Variants in WIPF3 observed in about 807,000 individuals in gnomAD.
The protein encoded by WIPF3 is WAS/WASL-interacting protein family member 3.
In WIPF3, 33 loss-of-function variants were observed where a neutral mutation model predicts 38.9. The observed-to-expected ratio is 0.85, with a 90% CI of 0.64 to 1.14. The LOEUF is 1.14. Among genes scored for constraint, WIPF3 ranks in the 50% most tolerant of loss-of-function variants. The pLI is 0.00. For synonymous variants in WIPF3, 324 were observed against 269.3 expected (o/e 1.20, Z -1.99); for missense variants, 711 against 652.5 (o/e 1.09, Z -0.98).
At chr7:29,874,309 T>C (rs1785548345) in intron 2 of WIPF3, among the ~76,000 whole-genome samples, 1 of 152,156 alleles carries the variant, frequency 6.6e-6, no homozygotes, top group Non-Finnish European at 1.5e-5. Flanking sequence ...GATATTTTTG[T>C]GAACAAAACA....
chr7:29,846,185 C>A lies in WIPF3; in HGVS notation c.90+11371C>A, dbSNP rs145317624. Among the ~76,000 whole-genome samples, 737 of 152,262 alleles carry A rather than the reference C, an allele frequency of 4.8e-3. 4 individuals are homozygous for A. Among genetic ancestry groups the A allele is most frequent in the African/African-American group, 0.017 (704 of 41,544 alleles). On this transcript the variant is annotated intron_variant, in intron 2 of 8. Transcript: ENST00000242140. ...AGCCATAAAGTATCTTTTGGCACAG[C>A]CTTTCTCATTCCAACTCATTATTTT...
At chr7:29,867,220 A>G (rs1346388121) in intron 2 of WIPF3, among the ~76,000 whole-genome samples, 2 of 152,152 alleles carry the variant, frequency 1.3e-5, no homozygotes, top group Non-Finnish European at 2.9e-5. Flanking sequence ...CTCTAAGTAG[A>G]GAGAAGGAGC....
intron 1 of WIPF3, among the ~76,000 whole-genome samples, chr7:29,833,369 G>C (rs1011220991): frequency 4.6e-5 from 7 of 152,140 alleles, no homozygotes; most frequent in Non-Finnish European, 1.0e-4. Context: ...CCAATCCCAG[G>C]TCTGCTGGTT....
intron 5 of WIPF3, among the ~76,000 whole-genome samples, chr7:29,885,802 C>T (rs1175237453): frequency 6.6e-6 from 1 of 152,118 alleles, no homozygotes; most frequent in Non-Finnish European, 1.5e-5. Flanking sequence ...GATGACAGAG[C>T]CAGATGCTGC....
chr7:29,818,154 A>C (rs1237801397), intron 1 of WIPF3, among the ~76,000 whole-genome samples: 1 of 152,148 alleles, frequency 6.6e-6, no homozygotes, highest in Non-Finnish European at 1.5e-5. Context: ...TATCTTATTA[A>C]TTAAAATAAT....
intron 2 of WIPF3, among the ~76,000 whole-genome samples, chr7:29,836,887 G>A (rs1188394595): frequency 6.6e-6 from 1 of 152,174 alleles, no homozygotes; most frequent in East Asian, 1.9e-4. Context: ...CTACTCAGGA[G>A]GCTGTGGCAG....
intron 5 of WIPF3, among the ~76,000 whole-genome samples, 171 bp downstream of exon 5, chr7:29,884,764 A>C (rs1785837812): frequency 6.6e-6 from 1 of 152,178 alleles, no homozygotes; most frequent in Non-Finnish European, 1.5e-5. Context: ...CCCGGCCTTG[A>C]TCCCCTGCCC....
At chr7:29,825,307 G>A (rs1214596664) in intron 1 of WIPF3, among the ~76,000 whole-genome samples, 2 of 152,024 alleles carry the variant, frequency 1.3e-5, no homozygotes, top group East Asian at 3.9e-4. Flanking sequence ...TAACAAACCT[G>A]CACACCCTGC....
chr7:29,859,915 T>C (rs1785246649), intron 2 of WIPF3, among the ~76,000 whole-genome samples: 1 of 152,090 alleles, frequency 6.6e-6, no homozygotes, highest in South Asian at 2.1e-4. Flanking sequence ...ATAAACAGAA[T>C]TGGAGAAGGC....
chr7:29,913,345 CAAA>C (rs1161222562), intron 8 of WIPF3, among the ~76,000 whole-genome samples: 22 of 74,602 alleles, frequency 2.9e-4, no homozygotes, highest in African/African-American at 7.4e-4. Flanking sequence ...AACTCCGTCT[CAAA>C]AAAAAAAAAA....
chr7:29,815,297 C>G (rs1302696472), intron 1 of WIPF3, among the ~76,000 whole-genome samples: 2 of 152,178 alleles, frequency 1.3e-5, no homozygotes, highest in African/African-American at 4.8e-5. Flanking sequence ...TTCAAATTCC[C>G]TTTCCCCACA....
intron 2 of WIPF3, among the ~76,000 whole-genome samples, chr7:29,861,411 A>G (rs1562779983): frequency 6.6e-6 from 1 of 152,218 alleles, no homozygotes; most frequent in East Asian, 1.9e-4. Flanking sequence ...GTAACTTTAC[A>G]AGAGAGATTT....
chr7:29,862,530 G>A (rs769212114), intron 2 of WIPF3, among the ~76,000 whole-genome samples: 11 of 152,172 alleles, frequency 7.2e-5, no homozygotes, highest in Non-Finnish European at 1.6e-4. Flanking sequence ...GGCCCAGTGG[G>A]CATATCAAAT....
intron 1 of WIPF3, among the ~76,000 whole-genome samples, chr7:29,824,677 A>G (rs1426093262): frequency 1.3e-5 from 2 of 152,174 alleles, no homozygotes; most frequent in African/African-American, 4.8e-5. Context: ...AGTAGCCCAG[A>G]GAGGAGTACA....
At position 29,884,438 on chromosome 7, in the gene WIPF3, G is replaced by A; in HGVS notation, c.944G>A (p.Gly315Glu). ...TCTTTGCCCGCGCCCCCTTTGCCAG[G>A]AGTTAATAGCAGCAGTGAAACTCCA... The part of the protein sequence containing the change: ...RASLPAPPLP[G>E]VNSSSETPPP... Residue 315 changes from glycine to glutamate, a missense_variant, in exon 5 of 9, where the codon GGA becomes GAA. By Grantham distance (98) the Gly-to-Glu change is moderately conservative. Transcript: ENST00000242140. The A allele has an allele frequency of 6.5e-7, 1 of 1,538,682 alleles. No homozygotes were observed. Among genetic ancestry groups the A allele is most frequent in the Non-Finnish European group, 8.7e-7 (1 of 1,142,886 alleles).
At chr7:29,870,018 G>T (rs1785467448) in intron 2 of WIPF3, among the ~76,000 whole-genome samples, 1 of 152,150 alleles carries the variant, frequency 6.6e-6, no homozygotes, top group Non-Finnish European at 1.5e-5. Context: ...ACATGATCTG[G>T]GTAGTAGATG....
At chr7:29,832,718 G>A (rs4719988) in intron 1 of WIPF3, among the ~76,000 whole-genome samples, 79,604 of 151,486 alleles carry the variant, frequency 0.53, 21,246 homozygotes, top group Middle Eastern at 0.63. Flanking sequence ...CCCCAAAAAA[G>A]TTGCACTGAC....
At chr7:29,822,123 G>GTTTTTTTTTTTTTTTTTT in intron 1 of WIPF3, among the ~76,000 whole-genome samples, 51 of 62,800 alleles carry the variant, frequency 8.1e-4, no homozygotes, top group South Asian at 1.1e-3. Context: ...TTTTTTCTTA[G>GTTTTTTTTTTTTTTTTTT]TTTTTTTTTT....
chr7:29,817,537 G>A (rs116290077), intron 1 of WIPF3, among the ~76,000 whole-genome samples: 5,138 of 152,014 alleles, frequency 0.034, 314 homozygotes, highest in African/African-American at 0.12. Context: ...TCCTTACATT[G>A]TTAGCTAACT....
Sources: gnomAD v4.1 joint callset for allele counts (sites outside exome capture counted in the v4.1 genomes callset) on GRCh38, gnomAD v4.1.1 for gene constraint, MANE v1.5 for transcripts, NCBI Gene and HGNC (gene_info 2026-07-23, HGNC 2026-07-21) for gene names.